Variants in SERHL2 observed in about 807,000 individuals in gnomAD.
SERHL2 encodes the protein serine hydrolase-like protein 2.
Under a neutral mutation model 25.5 loss-of-function variants are expected in SERHL2, and 29 were observed. The ratio of observed to expected loss-of-function variants is 1.14; its 90% CI spans 0.85 to 1.55. SERHL2 has a LOEUF of 1.55. SERHL2 is among the 40% of genes most tolerant of loss of function. SERHL2 has a pLI of 0.00. For missense variants in SERHL2, 240 were observed against 252.3 expected (o/e 0.95, Z 0.33); for synonymous variants, 95 against 103.5 (o/e 0.92, Z 0.50).
intron 7 of SERHL2, among the ~76,000 whole-genome samples, chr22:42,559,720 CAAAGAAAAAA>C (rs774678127): frequency 2.4e-4 from 36 of 149,410 alleles, no homozygotes; most frequent in Non-Finnish European, 4.3e-4. Context: ...CTCTGTCTCA[CAAAGAAAAAA>C]AAAGAAAAAA....
chr22:42,572,212 C>A (rs1316536358), intron 10 of SERHL2, among the ~76,000 whole-genome samples: 1 of 152,102 alleles, frequency 6.6e-6, no homozygotes, highest in African/African-American at 2.4e-5. Flanking sequence ...CCCAGAAAGG[C>A]TGTGCCTTCA....
rs974554215 is a variant in SERHL2, at chr22:42,564,958, C to T, written c.614-1346C>T. 4.8e-5 allele frequency: 6 copies of T among 126,216 alleles called. 2 individuals carry two copies. The highest frequency in any genetic ancestry group is 3.8e-5 in the African/African-American group (1 of 26,212). The allele number at this position is 126,216 out of a possible 1,614,324, so 7.8% of individuals were successfully genotyped here. A position where few individuals can be genotyped will look rare whatever the true frequency, so the allele number is the denominator to read the frequency against. ...GACTACAGGAGTGTGCCACCATGCTCGGCGCGCGCGTGTGTGTGTGTGTGT... is the reference window on the plus strand; with the variant it reads ...GACTACAGGAGTGTGCCACCATGCTTGGCGCGCGCGTGTGTGTGTGTGTGT... On this transcript the variant is annotated intron_variant, in intron 8 of 11. Transcript: ENST00000327678.
chr22:42,554,450 C>T (rs76928761), intron 1 of SERHL2, among the ~76,000 whole-genome samples: 5 of 152,156 alleles, frequency 3.3e-5, no homozygotes, highest in African/African-American at 9.7e-5. Flanking sequence ...GCCTCAGTTT[C>T]CTGCTCTGTG....
At chr22:42,573,017 G>A (rs1308073038) in intron 11 of SERHL2, among the ~76,000 whole-genome samples, 2 of 151,734 alleles carry the variant, frequency 1.3e-5, no homozygotes, top group Non-Finnish European at 2.9e-5. Flanking sequence ...ATACCCGACT[G>A]CCTCATCCCT....
At chr22:42,560,291 A>C in intron 8 of SERHL2, 26 bp downstream of exon 8, 1 of 1,528,088 alleles carries the variant, frequency 6.5e-7, no homozygotes. Flanking sequence ...GTCCAAGGCC[A>C]TTTTATATTT....
intron 10 of SERHL2, among the ~76,000 whole-genome samples, chr22:42,572,074 T>C (rs1300565009): frequency 6.6e-6 from 1 of 152,030 alleles, no homozygotes; most frequent in Admixed American, 6.5e-5. Context: ...CACAGAATTG[T>C]AGACTATCAA....
In SERHL2 at chr22:42,572,451, T is replaced by G. The variant is rs755053763; in HGVS notation, c.747T>G (p.Tyr249Ter). Reference protein sequence around the residue: ...HVLLIKAVHGYFDSRQNYSEK... With the variant: ...HVLLIKAVHG ...CACTTTCCAGAGCAGTCCACGGATATTTTGATTCAAGACAGAATTACTCTG... is the reference window on the plus strand; with the variant it reads ...CACTTTCCAGAGCAGTCCACGGATAGTTTGATTCAAGACAGAATTACTCTG... The change falls in exon 11 of 12, where the codon TAT becomes TAG. Residue 249 changes from tyrosine (Y) to a stop codon, truncating the protein, a stop_gained. Coordinates refer to ENST00000327678, the MANE Select transcript of SERHL2 (RefSeq NM_014509.5). LOFTEE classifies it high-confidence loss of function. 2 of 1,610,844 alleles carry G rather than the reference T, an allele frequency of 1.2e-6. No homozygotes were observed. Among genetic ancestry groups the G allele is most frequent in the East Asian group, 4.5e-5 (2 of 44,874 alleles).
At chr22:42,560,012 A>G (rs868617571) in intron 7 of SERHL2, among the ~76,000 whole-genome samples, 174 bp from the exon 8 acceptor site, 1 of 151,794 alleles carries the variant, frequency 6.6e-6, no homozygotes, top group Non-Finnish European at 1.5e-5. Flanking sequence ...AGGTTTTACC[A>G]TGTTGGCCAG....
intron 9 of SERHL2, among the ~76,000 whole-genome samples, chr22:42,567,537 G>C (rs1172225786): frequency 6.6e-6 from 1 of 151,252 alleles, no homozygotes; most frequent in Non-Finnish European, 1.5e-5. Flanking sequence ...GGTGGCAGGC[G>C]CCTGTAGTCC....
intron 8 of SERHL2, among the ~76,000 whole-genome samples, chr22:42,562,300 GC>G (rs1922783871): frequency 6.6e-6 from 1 of 151,758 alleles, no homozygotes; most frequent in African/African-American, 2.4e-5. Context: ...TCCCTTCCCT[GC>G]CCCCATCATC....
chr22:42,556,436 T>A lies in SERHL2; in HGVS notation c.349-78T>A, dbSNP rs534906807. 1.4e-4 allele frequency: 220 copies of A among 1,585,468 alleles called. No homozygotes were observed. In the African/African-American group the frequency reaches 2.8e-3, roughly 20 times the overall value. On this transcript the variant is annotated intron_variant, in intron 5 of 11. Coordinates refer to ENST00000327678, the MANE Select transcript of SERHL2 (RefSeq NM_014509.5). The stretch of plus-strand genomic sequence containing the variant: ...CAGCCTAAAAGATGTTTCGGGGAAC[T>A]CCAGGGTCCCCAGGGAAAGGCGGGA...
chr22:42,572,154 G>C (rs1924317081), intron 10 of SERHL2, among the ~76,000 whole-genome samples: 1 of 152,088 alleles, frequency 6.6e-6, no homozygotes, highest in Admixed American at 6.5e-5. Context: ...TCAGATCCCA[G>C]CTCTGCTTTT....
At chr22:42,565,324 C>G (rs1339399348) in intron 8 of SERHL2, 1 of 127,824 alleles carries the variant, frequency 7.8e-6, no homozygotes, top group Non-Finnish European at 1.5e-5. Flanking sequence ...AGATCACCCT[C>G]ACATCTTTTT....
chr22:42,570,785 G>A (rs531144487), intron 9 of SERHL2, among the ~76,000 whole-genome samples: 22 of 152,198 alleles, frequency 1.4e-4, no homozygotes, highest in African/African-American at 5.1e-4. Flanking sequence ...CCACACCTAA[G>A]TCCTAAAATC....
intron 11 of SERHL2, 184 bp from the exon 12 acceptor site, chr22:42,573,752 C>G: frequency 2.9e-6 from 2 of 694,528 alleles, no homozygotes; most frequent in Non-Finnish European, 5.1e-6. Context: ...TAGGGTTAGA[C>G]ACCTCCTGGG....
intron 11 of SERHL2, 28 bp downstream of exon 11, chr22:42,572,557 C>A: frequency 6.2e-7 from 1 of 1,609,170 alleles, no homozygotes; most frequent in Non-Finnish European, 8.5e-7. Flanking sequence ...CAGCTGGTGT[C>A]CAGCCACTGT....
rs4822168 is a variant in SERHL2 at position 42,563,953 on chromosome 22, A to T, written c.614-2351A>T. On this transcript the variant is annotated intron_variant, in intron 8 of 11. Coordinates refer to ENST00000327678, the MANE Select transcript of SERHL2 (RefSeq NM_014509.5). ...TTGGGCGTGATGGCGCATGCCTGTA[A>T]TCCCAGCTACTGGGGAGGCTGAGGC... Among the ~76,000 whole-genome samples the T allele has an allele frequency of 7.3e-4, 106 of 145,572 alleles. 1 individual carries two copies. Among genetic ancestry groups the T allele is most frequent in the Admixed American group, 5.5e-3 (80 of 14,550 alleles).
At chr22:42,567,963 C>T (rs1033559119) in intron 9 of SERHL2, among the ~76,000 whole-genome samples, 1 of 151,614 alleles carries the variant, frequency 6.6e-6, no homozygotes, top group South Asian at 2.1e-4. Context: ...CTCCTGACCT[C>T]AGGTGATCTG....
At chr22:42,561,578 T>C (rs1324257901) in intron 8 of SERHL2, among the ~76,000 whole-genome samples, 1 of 151,558 alleles carries the variant, frequency 6.6e-6, no homozygotes, top group Non-Finnish European at 1.5e-5. Flanking sequence ...CAGCCCACCC[T>C]GGTAGGCAGC....
Sources: allele counts gnomAD v4.1 joint callset (sites outside exome capture counted in the v4.1 genomes callset), GRCh38; gene constraint gnomAD v4.1.1; transcripts MANE v1.5; gene names NCBI Gene and HGNC (gene_info 2026-07-23, HGNC 2026-07-21).